The following SHANK2 variants were observed in gnomAD, a reference collection of about 807,000 sequenced individuals.
SHANK2 encodes SH3 and multiple ankyrin repeat domains 2.
In SHANK2, 43 loss-of-function variants were observed where a neutral mutation model predicts 133.7. The ratio of observed to expected loss-of-function variants is 0.32; its 90% CI spans 0.25 to 0.41. SHANK2 has a LOEUF of 0.41. Ranked by LOEUF, SHANK2 falls within the 10% of genes least tolerant of loss-of-function variation. SHANK2 has a pLI of 1.00. For synonymous variants in SHANK2, 1,017 were observed against 952.8 expected, an observed-to-expected ratio of 1.07 and a Z score of -1.24; for missense variants, 1,994 against 2,235.8, an observed-to-expected ratio of 0.89 and a Z score of 2.18.
intron 17 of SHANK2, among the ~76,000 whole-genome samples, chr11:70,552,810 C>T (rs797044218): frequency 1.9e-4 from 29 of 152,238 alleles, no homozygotes; most frequent in African/African-American, 7.0e-4. Flanking sequence ...TGCCCACCTG[C>T]CCTCTAAGCT....
chr11:70,594,867 G>A (rs1011165182), intron 17 of SHANK2, among the ~76,000 whole-genome samples: 11 of 152,100 alleles, frequency 7.2e-5, no homozygotes, highest in Admixed American at 2.0e-4. Context: ...CTCCAGCCCT[G>A]CAGCCCATGC....
At chr11:70,585,301 G>A (rs534428384) in intron 17 of SHANK2, among the ~76,000 whole-genome samples, 2 of 152,304 alleles carry the variant, frequency 1.3e-5, no homozygotes, top group Admixed American at 1.3e-4. Context: ...CCAGCTGGAT[G>A]GGCTGATTTT....
chr11:70,617,930 G>C (rs12798644), intron 17 of SHANK2, among the ~76,000 whole-genome samples: 1 of 151,818 alleles, frequency 6.6e-6, no homozygotes, highest in African/African-American at 2.4e-5. Flanking sequence ...ATGGCACATG[G>C]ATACATATGT....
At chr11:70,914,956 T>C (rs1021870454) in intron 10 of SHANK2, among the ~76,000 whole-genome samples, 6 of 151,586 alleles carry the variant, frequency 4.0e-5, no homozygotes, top group Non-Finnish European at 8.8e-5. Context: ...TGTTAAAGTA[T>C]TTAACTGGAA....
At chr11:71,161,736 T>C (rs1740549628) in intron 2 of SHANK2, among the ~76,000 whole-genome samples, 1 of 152,236 alleles carries the variant, frequency 6.6e-6, no homozygotes, top group South Asian at 2.1e-4. Flanking sequence ...CATTGATGTC[T>C]GCCTATAACT....
At chr11:70,844,116 CCCAGCCCTCG>C (rs1349162103) in intron 11 of SHANK2, among the ~76,000 whole-genome samples, 3 of 152,188 alleles carry the variant, frequency 2.0e-5, no homozygotes, top group African/African-American at 7.2e-5. Context: ...TCCACACACA[CCCAGCCCTCG>C]CCTGGCTTCC....
intron 10 of SHANK2, chr11:70,908,079 G>A (rs1012970544): frequency 1.2e-5 from 3 of 256,634 alleles, no homozygotes; most frequent in African/African-American, 2.3e-5. Flanking sequence ...CTGCGCAACA[G>A]AGTGAGAGTC....
chr11:70,745,538 C>T (rs1450115474), intron 14 of SHANK2, among the ~76,000 whole-genome samples: 1 of 152,212 alleles, frequency 6.6e-6, no homozygotes, highest in African/African-American at 2.4e-5. Context: ...AGTGGTCCTG[C>T]CACTGTGGTG....
In SHANK2 at chr11:70,473,175, A is replaced by C; in HGVS notation, c.5244T>G (p.Pro1748=). The C allele has an allele frequency of 1.2e-6, 2 of 1,613,680 alleles. No individual in the cohort carries two copies. The highest frequency in any genetic ancestry group is 1.1e-5 in the South Asian group (1 of 91,088). The change falls in exon 26 of 26, where the codon CCT becomes CCG. Residue 1748 remains proline, a synonymous_variant. Transcript: ENST00000601538. This position sits in a 1 kb window ranked among gnomAD's most constrained non-coding sequence, Gnocchi z 5.9. ...SDVFSLPSQP[P]SGDLFGLNPA... is the part of the protein sequence containing the mutation. ...GGTTCAAGCCAAATAGATCCCCAGAAGGGGGCTGGCTTGGAAGGCTAAAGA... is the reference window on the plus strand; with the variant it reads ...GGTTCAAGCCAAATAGATCCCCAGACGGGGGCTGGCTTGGAAGGCTAAAGA...
At chr11:70,908,724 G>A (rs1273922825) in intron 10 of SHANK2, among the ~76,000 whole-genome samples, 1 of 152,166 alleles carries the variant, frequency 6.6e-6, no homozygotes, top group Admixed American at 6.5e-5. Flanking sequence ...AATTACAAGG[G>A]AAATGCTGAA....
chr11:70,650,596 C>G (rs914391554), intron 17 of SHANK2, among the ~76,000 whole-genome samples: 5 of 152,204 alleles, frequency 3.3e-5, no homozygotes, highest in Non-Finnish European at 7.3e-5. Context: ...ACTAACAACC[C>G]AGGCCCCCAC....
At chr11:71,148,559 A>C (rs1414705630) in intron 2 of SHANK2, among the ~76,000 whole-genome samples, 2 of 152,212 alleles carry the variant, frequency 1.3e-5, no homozygotes, top group Non-Finnish European at 2.9e-5. Flanking sequence ...CTGAACCAGC[A>C]ATTCCACTTC....
At chr11:70,800,050 T>A (rs1948009617) in intron 13 of SHANK2, among the ~76,000 whole-genome samples, 1 of 152,030 alleles carries the variant, frequency 6.6e-6, no homozygotes. Flanking sequence ...TTGTTTTTTT[T>A]AGAGGCTTTG....
intron 10 of SHANK2, chr11:70,908,220 G>C: frequency 5.5e-6 from 1 of 180,696 alleles, no homozygotes; most frequent in Non-Finnish European, 1.2e-5. Flanking sequence ...ATGGGTCTGA[G>C]GACTGCCACT....
intron 8 of SHANK2, among the ~76,000 whole-genome samples, 179 bp from the exon 9 acceptor site, chr11:71,075,454 C>A (rs1951206623): frequency 6.6e-6 from 1 of 152,200 alleles, no homozygotes; most frequent in Non-Finnish European, 1.5e-5. Flanking sequence ...TCAGCATGCA[C>A]CACCAGACCC....
chr11:71,152,962 A>G (rs1952825603), intron 2 of SHANK2, among the ~76,000 whole-genome samples: 1 of 152,180 alleles, frequency 6.6e-6, no homozygotes, highest in South Asian at 2.1e-4. Flanking sequence ...CAGACAAACA[A>G]CAAAGACACT....
intron 2 of SHANK2, among the ~76,000 whole-genome samples, chr11:71,202,105 A>C (rs377204210): frequency 4.2e-4 from 64 of 152,350 alleles, no homozygotes; most frequent in African/African-American, 1.5e-3. Context: ...CTGTGTGCCA[A>C]GTGAATGAAT....
intron 9 of SHANK2, among the ~76,000 whole-genome samples, chr11:71,058,403 G>A (rs1950946963): frequency 6.6e-6 from 1 of 152,250 alleles, no homozygotes; most frequent in Non-Finnish European, 1.5e-5. Context: ...GATGTAACCA[G>A]TGGGGACTGC....
chr11:70,627,395 G>A (rs1162588640), intron 17 of SHANK2, among the ~76,000 whole-genome samples: 1 of 152,158 alleles, frequency 6.6e-6, no homozygotes, highest in African/African-American at 2.4e-5. Flanking sequence ...AAGTGAGGAG[G>A]GCAAAGGACA....
Sources: allele counts gnomAD v4.1 joint callset (sites outside exome capture counted in the v4.1 genomes callset), GRCh38; gene constraint gnomAD v4.1.1; non-coding constraint Gnocchi (gnomAD v3.1); transcripts MANE v1.5; gene names NCBI Gene and HGNC (gene_info 2026-07-23, HGNC 2026-07-21).